The following OR51B5 variants were observed in gnomAD, a reference collection of about 807,000 sequenced individuals.
The protein encoded by OR51B5 is olfactory receptor family 51 subfamily B member 5.
For synonymous variants in OR51B5, 186 were observed against 144.8 expected (o/e 1.28, Z -2.04); for missense variants, 456 against 374.6 (o/e 1.22, Z -1.79).
intron 1 of OR51B5, among the ~76,000 whole-genome samples, chr11:5,384,409 A>T (rs1490594258): frequency 6.6e-6 from 1 of 151,848 alleles, no homozygotes; most frequent in African/African-American, 2.4e-5. Flanking sequence ...CTCTTCTGAT[A>T]TTCTCAGAGT....
intron 1 of OR51B5, among the ~76,000 whole-genome samples, chr11:5,472,005 C>T (rs1369612351): frequency 3.9e-5 from 6 of 152,164 alleles, no homozygotes; most frequent in African/African-American, 2.4e-5. Flanking sequence ...CATTCAGTTT[C>T]CCAATCAAAG....
At chr11:5,472,358 G>A (rs1851241595) in intron 1 of OR51B5, among the ~76,000 whole-genome samples, 2 of 152,176 alleles carry the variant, frequency 1.3e-5, no homozygotes, top group Admixed American at 1.3e-4. Flanking sequence ...CTCTGTGGGG[G>A]AAGAGATGAG....
At chr11:5,341,763 T>A (rs1043307372), downstream of OR51B5, among the ~76,000 whole-genome samples, 1 of 152,184 alleles carries the variant, frequency 6.6e-6, no homozygotes, top group Non-Finnish European at 1.5e-5. Flanking sequence ...GAAGGAACTG[T>A]CTCTTCCACT....
chr11:5,458,955 T>C (rs1851004858), intron 1 of OR51B5, among the ~76,000 whole-genome samples: 1 of 152,200 alleles, frequency 6.6e-6, no homozygotes, highest in African/African-American at 2.4e-5. Context: ...TTCTTTCTCT[T>C]GCTTGACGCT....
At chr11:5,406,296 T>C (rs1373112485) in intron 1 of OR51B5, among the ~76,000 whole-genome samples, 2 of 152,196 alleles carry the variant, frequency 1.3e-5, no homozygotes, top group Non-Finnish European at 2.9e-5. Context: ...TCGGCTTCAT[T>C]CTAGAATGGA....
At chr11:5,347,862 C>T (rs11036936), upstream of OR51B5, among the ~76,000 whole-genome samples, 45,184 of 151,912 alleles carry the variant, frequency 0.3, 7,425 homozygotes, top group Non-Finnish European at 0.38. Flanking sequence ...GGAGGAGCTT[C>T]TAAAATAAAT....
chr11:5,366,806 G>C (rs1849376496), intron 1 of OR51B5, among the ~76,000 whole-genome samples: 1 of 152,182 alleles, frequency 6.6e-6, no homozygotes, highest in South Asian at 2.1e-4. Flanking sequence ...GGGAAAATAA[G>C]TTTGTATTGA....
rs140269610 is a variant in OR51B5 at position 5,472,143 on chromosome 11, C to T, written n.84+33426G>A. Among the ~76,000 whole-genome samples the T allele has an allele frequency of 5.7e-3, 861 of 152,270 alleles. 8 individuals are homozygous for T. The highest frequency in any genetic ancestry group is 0.02 in the African/African-American group (812 of 41,526). The stretch of plus-strand genomic sequence containing the variant: ...TGCACCTCTGAGCCAGAGCTGTACA[C>T]GCTCAGAACCACACAGTGAAGCTCC... On this transcript the variant is annotated intron_variant and non_coding_transcript_variant, in intron 1 of 4. Coordinates refer to the OR51B5 transcript ENST00000415970.
chr11:5,423,896 CA>C (rs1850399505), intron 1 of OR51B5, among the ~76,000 whole-genome samples: 1 of 152,120 alleles, frequency 6.6e-6, no homozygotes, highest in Non-Finnish European at 1.5e-5. Flanking sequence ...AAGAAAAACT[CA>C]TTTTTTTTCC....
intron 1 of OR51B5, among the ~76,000 whole-genome samples, chr11:5,419,308 C>A (rs563933653): frequency 3.3e-5 from 5 of 152,092 alleles, no homozygotes; most frequent in Non-Finnish European, 7.4e-5. Flanking sequence ...ATCAGGCACA[C>A]CTAGAGAAAA....
At chr11:5,372,140 G>A (rs1000321701) in intron 1 of OR51B5, among the ~76,000 whole-genome samples, 2 of 152,072 alleles carry the variant, frequency 1.3e-5, no homozygotes, top group Non-Finnish European at 2.9e-5. Flanking sequence ...ATACAGACCT[G>A]TCACAATGTC....
At chr11:5,474,427 G>C (rs866309437) in intron 1 of OR51B5, among the ~76,000 whole-genome samples, 1 of 152,142 alleles carries the variant, frequency 6.6e-6, no homozygotes, top group Non-Finnish European at 1.5e-5. Flanking sequence ...CTATAGAGAA[G>C]ACCCTACTAG....
chr11:5,477,536 G>A (rs576381331), intron 1 of OR51B5, among the ~76,000 whole-genome samples: 9 of 152,270 alleles, frequency 5.9e-5, no homozygotes, highest in Non-Finnish European at 8.8e-5. Context: ...GAACAGCTCC[G>A]GTCTACAGCT....
At chr11:5,461,829 G>A (rs1851058508) in intron 1 of OR51B5, among the ~76,000 whole-genome samples, 2 of 152,272 alleles carry the variant, frequency 1.3e-5, no homozygotes, top group East Asian at 1.9e-4. Context: ...CCTGGTGCTC[G>A]ACTACCCCAT....
chr11:5,499,645 G>T (rs1851691682), intron 1 of OR51B5, among the ~76,000 whole-genome samples: 1 of 152,142 alleles, frequency 6.6e-6, no homozygotes, highest in Non-Finnish European at 1.5e-5. Context: ...CCTCTTAACT[G>T]CACAAGTCAA....
chr11:5,411,530 T>A (rs369634794), intron 1 of OR51B5, among the ~76,000 whole-genome samples: 1 of 152,294 alleles, frequency 6.6e-6, no homozygotes, highest in South Asian at 2.1e-4. Context: ...TAAGTCCCCA[T>A]TCATGGGAAT....
At position 5,407,940 on chromosome 11, in the gene OR51B5, T is replaced by G. The variant is rs574729505; in HGVS notation, n.85-61030A>C. Among the ~76,000 whole-genome samples, 71 of 152,266 alleles carry G rather than the reference T, an allele frequency of 4.7e-4. 3 individuals are homozygous for G. The South Asian group carries it at 0.014, about 29-fold the overall frequency. On this transcript the variant is annotated intron_variant and non_coding_transcript_variant, in intron 1 of 4. Transcript: ENST00000415970. ...GGTTAAACATTCACATGCTTGAAAT[T>G]TCAAAAGATTTGAGAGAATATATTT...
At chr11:5,370,096 C>T (rs769572421) in intron 1 of OR51B5, among the ~76,000 whole-genome samples, 41 of 152,126 alleles carry the variant, frequency 2.7e-4, no homozygotes, top group Non-Finnish European at 1.5e-4. Flanking sequence ...CATGTGCAAG[C>T]TGCTTCTATA....
chr11:5,342,376 C>T (rs181703134), downstream of OR51B5: 1 of 168,106 alleles, frequency 5.9e-6, no homozygotes, highest in Non-Finnish European at 1.2e-5. Flanking sequence ...GAGAAATATT[C>T]CGTTTACAGG....
Sources: allele counts gnomAD v4.1 joint callset (sites outside exome capture counted in the v4.1 genomes callset), GRCh38; gene constraint gnomAD v4.1.1; transcripts MANE v1.5; gene names NCBI Gene and HGNC (gene_info 2026-07-23, HGNC 2026-07-21).